SVIL: variants seen among roughly 807,000 people sequenced by gnomAD.
SVIL encodes archvillin.
SVIL carries 101 observed loss-of-function variants against 240.4 expected under a neutral mutation model. That is an observed-to-expected ratio of 0.42 (90% CI 0.36 to 0.50). The LOEUF (loss-of-function observed/expected upper bound fraction) is 0.50. Ranked by LOEUF, SVIL falls within the 20% of genes least tolerant of loss-of-function variation. The probability of loss-of-function intolerance (pLI) is 0.01; values close to 1 mark genes in which losing one functional copy is unlikely to be tolerated. For synonymous variants in SVIL, 999 were observed against 1,100.0 expected, an observed-to-expected ratio of 0.91 and a Z score of 1.82; for missense variants, 2,512 against 2,818.7, an observed-to-expected ratio of 0.89 and a Z score of 2.46.
intron 1 of SVIL, among the ~76,000 whole-genome samples, chr10:29,600,743 T>A (rs1259048825): frequency 2.0e-5 from 3 of 152,172 alleles, no homozygotes; most frequent in African/African-American, 7.2e-5. Context: ...AGGGGTAGAA[T>A]TGTGATGAGA....
intron 2 of SVIL, among the ~76,000 whole-genome samples, chr10:29,663,120 ATAG>A (rs1959177341): frequency 6.6e-6 from 1 of 152,134 alleles, no homozygotes; most frequent in Non-Finnish European, 1.5e-5. Flanking sequence ...CTCTTAAATA[ATAG>A]TAATAATAAA....
intron 5 of SVIL, among the ~76,000 whole-genome samples, chr10:29,554,176 T>C (rs985648363): frequency 6.6e-6 from 1 of 152,066 alleles, no homozygotes; most frequent in Non-Finnish European, 1.5e-5. Context: ...CCAGGCATGG[T>C]GGCACGCGCT....
At chr10:29,721,725 C>T (rs561110698) in intron 1 of SVIL, among the ~76,000 whole-genome samples, 114 of 152,300 alleles carry the variant, frequency 7.5e-4, no homozygotes, top group Non-Finnish European at 1.5e-3. Flanking sequence ...CAAAAACTGA[C>T]AGAACTGCAC....
chr10:29,656,126 C>T (rs1047181953), intron 3 of SVIL, among the ~76,000 whole-genome samples: 1 of 151,390 alleles, frequency 6.6e-6, no homozygotes, highest in African/African-American at 2.4e-5. Context: ...GCCTCGGCCT[C>T]CCAAAGTGCT....
intron 1 of SVIL, among the ~76,000 whole-genome samples, chr10:29,611,599 C>G (rs1469329058): frequency 6.6e-6 from 1 of 152,058 alleles, no homozygotes; most frequent in African/African-American, 2.4e-5. Context: ...CAGGAGCAAA[C>G]CAATGCCAAA....
intron 2 of SVIL, among the ~76,000 whole-genome samples, chr10:29,682,628 G>A (rs943883501): frequency 2.6e-5 from 4 of 152,198 alleles, no homozygotes; most frequent in African/African-American, 9.7e-5. Flanking sequence ...AAATGATGTT[G>A]CATTTAGAAG....
Position 29,458,301 on chromosome 10 carries a change from G to C in SVIL, c.6591C>G (p.Asn2197Lys). Residue 2197 changes from asparagine to lysine, a missense_variant, in exon 38 of 38, where the codon AAC becomes AAG. Coordinates refer to ENST00000355867, the MANE Select transcript of SVIL (RefSeq NM_021738.3). ...TCACCTGCTTCCAGGCGGGCAGGGC[G>C]TTGTATTCATCCCTCGTCATGTCTA... ...FALDMTRDEY[N>K]ALPAWKQVNL... 1 of 1,614,224 alleles carries C rather than the reference G, an allele frequency of 6.2e-7. No homozygotes were observed.
At chr10:29,723,611 C>G (rs1964114515) in intron 1 of SVIL, among the ~76,000 whole-genome samples, 1 of 152,004 alleles carries the variant, frequency 6.6e-6, no homozygotes, top group Non-Finnish European at 1.5e-5. Context: ...GAAGGAATAT[C>G]TTGAGAGAGG....
intron 1 of SVIL, among the ~76,000 whole-genome samples, chr10:29,614,457 T>C (rs1162880495): frequency 1.3e-5 from 2 of 152,104 alleles, no homozygotes; most frequent in Admixed American, 6.6e-5. Context: ...ATGGCACATA[T>C]ACACCATGGA....
chr10:29,642,537 C>T (rs1270722447), intron 3 of SVIL, among the ~76,000 whole-genome samples: 2 of 152,206 alleles, frequency 1.3e-5, no homozygotes, highest in African/African-American at 4.8e-5. Context: ...TAGACATGGT[C>T]TCTGATTCCC....
At chr10:29,472,618 A>C (rs1484840609) in intron 30 of SVIL, among the ~76,000 whole-genome samples, 4 of 152,230 alleles carry the variant, frequency 2.6e-5, no homozygotes, top group African/African-American at 9.6e-5. Context: ...CTGAATGTTA[A>C]AGAGACAGGT....
intron 1 of SVIL, among the ~76,000 whole-genome samples, chr10:29,582,833 C>A (rs1956007620): frequency 1.3e-5 from 2 of 151,996 alleles, no homozygotes; most frequent in South Asian, 2.1e-4. Flanking sequence ...GTGCAGCATG[C>A]CACACCTTCA....
chr10:29,570,551 T>G (rs1027283481), intron 1 of SVIL, among the ~76,000 whole-genome samples: 1 of 152,224 alleles, frequency 6.6e-6, no homozygotes, highest in African/African-American at 2.4e-5. Context: ...AAAGACAGTA[T>G]CTTGTTCCAA....
At chr10:29,688,529 G>A (rs1564764488) in intron 1 of SVIL, among the ~76,000 whole-genome samples, 1 of 152,306 alleles carries the variant, frequency 6.6e-6, no homozygotes, top group East Asian at 1.9e-4. Context: ...ATTTTCTTTT[G>A]TTCCTCTCTG....
intron 6 of SVIL, among the ~76,000 whole-genome samples, chr10:29,536,911 C>CAAA (rs59133069): frequency 0.28 from 25,178 of 89,560 alleles, 3,566 homozygotes; most frequent in African/African-American, 0.41. Flanking sequence ...GACTCTGTCA[C>CAAA]AAAAAAAAAA....
chr10:29,676,867 T>C (rs551456842), intron 2 of SVIL, among the ~76,000 whole-genome samples: 2 of 151,740 alleles, frequency 1.3e-5, no homozygotes, highest in African/African-American at 2.4e-5. Context: ...GCTGTGACCC[T>C]TGGGTCTTGG....
intron 16 of SVIL, among the ~76,000 whole-genome samples, chr10:29,516,309 G>A (rs3780848): frequency 0.4 from 61,475 of 151,988 alleles, 13,041 homozygotes; most frequent in African/African-American, 0.52. Context: ...CTGTGCTTCC[G>A]TGGAGCCCAC....
chr10:29,705,315 A>T (rs2132653985), intron 1 of SVIL, among the ~76,000 whole-genome samples: 1 of 152,286 alleles, frequency 6.6e-6, no homozygotes, highest in South Asian at 2.1e-4. Flanking sequence ...ATTCCTGGAA[A>T]CTGTGAATAT....
intron 1 of SVIL, among the ~76,000 whole-genome samples, chr10:29,729,493 G>GTGTGTA (rs1964484880): frequency 8.1e-6 from 1 of 123,390 alleles, no homozygotes; most frequent in Non-Finnish European, 1.8e-5. Flanking sequence ...GTGTGTGTGT[G>GTGTGTA]TGTATGTATG....
Sources: gnomAD v4.1 joint callset for allele counts (sites outside exome capture counted in the v4.1 genomes callset) on GRCh38, gnomAD v4.1.1 for gene constraint, MANE v1.5 for transcripts, NCBI Gene and HGNC (gene_info 2026-07-23, HGNC 2026-07-21) for gene names.